Variants in GABRG1 observed in about 807,000 individuals in gnomAD.
The protein encoded by GABRG1 is gamma-aminobutyric acid type A receptor subunit gamma1, also known as gamma-aminobutyric acid receptor subunit gamma-1.
GABRG1 carries 49 observed loss-of-function variants against 49.8 expected under a neutral mutation model. The observed-to-expected ratio is 0.98, with a 90% CI of 0.78 to 1.25. The LOEUF is 1.25. GABRG1 is among the 50% of genes most tolerant of loss of function. The pLI, the probability that GABRG1 is intolerant of heterozygous loss-of-function variation, is 0.00. For synonymous variants in GABRG1, 232 were observed against 185.1 expected (o/e 1.25, Z -2.06); for missense variants, 552 against 552.3 (o/e 1.00, Z 0.01).
intron 3 of GABRG1, among the ~76,000 whole-genome samples, chr4:46,067,279 G>T (rs1263246923): frequency 2.6e-5 from 4 of 151,902 alleles, no homozygotes; most frequent in Non-Finnish European, 5.9e-5. Flanking sequence ...ATCTATTTTT[G>T]ATGAACAGTG....
chr4:46,060,508 T>TATGGTC (rs1718632698), intron 5 of GABRG1, among the ~76,000 whole-genome samples: 1 of 152,178 alleles, frequency 6.6e-6, no homozygotes, highest in South Asian at 2.1e-4. Context: ...TCTTTCTACG[T>TATGGTC]ATGGTCACAT....
At chr4:46,120,412 G>A (rs1721059292) in intron 1 of GABRG1, among the ~76,000 whole-genome samples, 1 of 151,614 alleles carries the variant, frequency 6.6e-6, no homozygotes, top group Admixed American at 6.6e-5. Flanking sequence ...AGCCATAAGT[G>A]TTCTTCATAG....
chr4:46,090,003 G>A (rs1483900005), intron 2 of GABRG1, among the ~76,000 whole-genome samples: 1 of 151,926 alleles, frequency 6.6e-6, no homozygotes, highest in Non-Finnish European at 1.5e-5. Flanking sequence ...TTATCATAAA[G>A]CAATGGAAGC....
intron 3 of GABRG1, among the ~76,000 whole-genome samples, chr4:46,076,214 ATG>A (rs1165527729): frequency 6.6e-6 from 1 of 151,370 alleles, no homozygotes; most frequent in East Asian, 1.9e-4. Context: ...ATATGAAAAT[ATG>A]TGTGTTTGTG....
intron 7 of GABRG1, among the ~76,000 whole-genome samples, chr4:46,053,119 T>C (rs1163061589): frequency 6.6e-6 from 1 of 151,946 alleles, no homozygotes; most frequent in Non-Finnish European, 1.5e-5. Context: ...ACACAAAATG[T>C]ACTTAATTTA....
intron 7 of GABRG1, among the ~76,000 whole-genome samples, chr4:46,057,479 TC>T (rs1718497726): frequency 6.6e-6 from 1 of 152,116 alleles, no homozygotes; most frequent in African/African-American, 2.4e-5. Context: ...CAAGTTTTAT[TC>T]CTATATCAAT....
intron 1 of GABRG1, among the ~76,000 whole-genome samples, chr4:46,122,039 G>A (rs1041294502): frequency 6.6e-6 from 1 of 151,956 alleles, no homozygotes; most frequent in East Asian, 1.9e-4. Context: ...ATCATATGTG[G>A]TCTAGTATCC....
chr4:46,103,552 A>T (rs763155128), intron 1 of GABRG1, among the ~76,000 whole-genome samples: 22 of 151,552 alleles, frequency 1.5e-4, no homozygotes, highest in Non-Finnish European at 8.9e-5. Context: ...GGGGCTAACA[A>T]TATTTTAATA....
intron 8 of GABRG1, among the ~76,000 whole-genome samples, chr4:46,050,655 G>T (rs1319245221): frequency 6.6e-6 from 1 of 151,766 alleles, no homozygotes; most frequent in African/African-American, 2.4e-5. Context: ...TAAAGGAAGG[G>T]TCACACGCTT....
At position 46,076,361 on chromosome 4, in the gene GABRG1, TCATATATA is replaced by T. The variant is rs1182235620; in HGVS notation, c.321+7617_321+7624del. Among the ~76,000 whole-genome samples the T allele has an allele frequency of 2.5e-3, 199 of 78,146 alleles. 2 individuals are homozygous for T. Among genetic ancestry groups the T allele is most frequent in the South Asian group, 7.1e-3 (16 of 2,250 alleles). 51.3% of individuals were successfully genotyped at this position (78,146 alleles called of 152,430 possible). On this transcript the variant is annotated intron_variant, in intron 3 of 8. Coordinates refer to ENST00000295452, the MANE Select transcript of GABRG1 (RefSeq NM_173536.4). ...TACCTAAATTTATCTTAGGTCATGT[TCATATATA>T]TATATATATATATATATATATATAT...
In GABRG1 at chr4:46,036,659, C is replaced by T. The variant is rs1384512265; in HGVS notation, c.*4329G>A. The T allele has an allele frequency of 1.3e-5, 2 of 151,894 alleles. No homozygotes were observed. The highest frequency in any genetic ancestry group is 2.9e-5 in the Non-Finnish European group (2 of 67,888). The allele number at this position is 151,894 out of a possible 1,614,324, so 9.4% of individuals were successfully genotyped here. A position where few individuals can be genotyped will look rare whatever the true frequency, so the allele number is the denominator to read the frequency against. On this transcript the variant is annotated 3_prime_UTR_variant, in exon 9 of 9. Coordinates refer to ENST00000295452, the MANE Select transcript of GABRG1 (RefSeq NM_173536.4). Reference sequence around the variant, plus strand: ...TTCTTTCTATTTGGGCCTATCATCCCCCATCTCCGCTGAAGACTTGTGTCA... The same window carrying T: ...TTCTTTCTATTTGGGCCTATCATCCTCCATCTCCGCTGAAGACTTGTGTCA...
intron 2 of GABRG1, among the ~76,000 whole-genome samples, chr4:46,088,790 CAT>C (rs573514997): frequency 5.7e-4 from 76 of 133,788 alleles, no homozygotes; most frequent in African/African-American, 2.0e-3. Flanking sequence ...ATTTAAATGG[CAT>C]GTGTGTGTGT....
At chr4:46,111,079 GAT>G (rs1720696761) in intron 1 of GABRG1, among the ~76,000 whole-genome samples, 7 of 151,088 alleles carry the variant, frequency 4.6e-5, no homozygotes, top group Admixed American at 4.0e-4. Flanking sequence ...GAAAGTGTGT[GAT>G]TCTATACCAG....
chr4:46,079,527 T>C (rs1384599241), intron 3 of GABRG1, among the ~76,000 whole-genome samples: 2 of 151,948 alleles, frequency 1.3e-5, no homozygotes, highest in Non-Finnish European at 2.9e-5. Context: ...TAGTTTTTAT[T>C]AGTTGTTCCT....
chr4:46,088,900 A>G (rs1719882582), intron 2 of GABRG1, among the ~76,000 whole-genome samples: 1 of 151,296 alleles, frequency 6.6e-6, no homozygotes, highest in Admixed American at 6.6e-5. Context: ...TTCTCTACTT[A>G]AATATATGTT....
chr4:46,052,145 G>T (rs1327916742), intron 7 of GABRG1, among the ~76,000 whole-genome samples: 1 of 151,518 alleles, frequency 6.6e-6, no homozygotes, highest in Non-Finnish European at 1.5e-5. Flanking sequence ...GATAATATTG[G>T]AAATTAAATT....
At chr4:46,123,383 G>A (rs1721153647) in intron 1 of GABRG1, among the ~76,000 whole-genome samples, 1 of 151,946 alleles carries the variant, frequency 6.6e-6, no homozygotes, top group African/African-American at 2.4e-5. Context: ...AATAGCAGTA[G>A]GTAGAAAAAC....
intron 1 of GABRG1, among the ~76,000 whole-genome samples, chr4:46,119,962 A>T (rs1400778666): frequency 1.3e-5 from 2 of 151,778 alleles, no homozygotes; most frequent in Non-Finnish European, 1.5e-5. Context: ...ATCTGTTATG[A>T]CTTTCTTTTC....
intron 1 of GABRG1, among the ~76,000 whole-genome samples, chr4:46,105,771 T>TA (rs1233182939): frequency 0.018 from 2,509 of 136,140 alleles, 64 homozygotes; most frequent in African/African-American, 0.062. Flanking sequence ...GATAGATAGA[T>TA]GGATGGATGG....
Sources: allele counts gnomAD v4.1 joint callset (sites outside exome capture counted in the v4.1 genomes callset), GRCh38; gene constraint gnomAD v4.1.1; transcripts MANE v1.5; gene names NCBI Gene and HGNC (gene_info 2026-07-23, HGNC 2026-07-21).